The following ATP2C1 variants were observed in gnomAD, a reference collection of about 807,000 sequenced individuals.
ATP2C1 encodes the protein calcium-transporting ATPase type 2C member 1.
A neutral mutation model predicts 120.5 loss-of-function variants in ATP2C1; 31 were observed. The ratio of observed to expected loss-of-function variants is 0.26; its 90% CI spans 0.19 to 0.35. The LOEUF (loss-of-function observed/expected upper bound fraction) is 0.35. Among genes scored for constraint, ATP2C1 ranks in the 10% least tolerant of loss-of-function variants. The pLI is 1.00. For synonymous variants in ATP2C1, 351 were observed against 358.7 expected (o/e 0.98, Z 0.24); for missense variants, 731 against 1,107.5 (o/e 0.66, Z 4.83).
At chr3:130,868,252 G>C (rs1160282286) in intron 1 of ATP2C1, 2 of 143,524 alleles carry the variant, frequency 1.4e-5, no homozygotes, top group Non-Finnish European at 3.0e-5. Flanking sequence ...GAGGTGGGGG[G>C]GTCAGCCCCC....
intron 20 of ATP2C1, among the ~76,000 whole-genome samples, chr3:130,989,425 C>T (rs1364595695): frequency 6.8e-6 from 1 of 147,364 alleles, no homozygotes; most frequent in African/African-American, 2.5e-5. Context: ...ATTAGCTGGG[C>T]GTGGTGGTGC....
chr3:130,892,872 A>G (rs1253881306), upstream of ATP2C1, among the ~76,000 whole-genome samples: 1 of 152,232 alleles, frequency 6.6e-6, no homozygotes, highest in African/African-American at 2.4e-5. Flanking sequence ...ACAAATATAG[A>G]AACACAGGCA....
At chr3:131,000,231 G>A (rs2062820234) in intron 27 of ATP2C1, among the ~76,000 whole-genome samples, 1 of 152,104 alleles carries the variant, frequency 6.6e-6, no homozygotes, top group Non-Finnish European at 1.5e-5. Context: ...TGATATATTT[G>A]ACAGTAATGC....
intron 2 of ATP2C1, among the ~76,000 whole-genome samples, chr3:130,903,698 TC>T (rs749376782): frequency 1.1e-5 from 1 of 92,672 alleles, no homozygotes; most frequent in African/African-American, 4.0e-5. Context: ...ATTTCCCCTT[TC>T]CCCTTTCCTT....
chr3:130,981,584 A>T (rs1560008974), intron 20 of ATP2C1, among the ~76,000 whole-genome samples: 1 of 152,136 alleles, frequency 6.6e-6, no homozygotes, highest in Non-Finnish European at 1.5e-5. Flanking sequence ...TCTGTGAGTA[A>T]TTGCTGGGTC....
At chr3:130,926,678 G>A (rs145409325) in intron 2 of ATP2C1, among the ~76,000 whole-genome samples, 2 of 152,344 alleles carry the variant, frequency 1.3e-5, no homozygotes, top group African/African-American at 2.4e-5. Context: ...TCACATGTAT[G>A]CAGGGATGAG....
chr3:131,006,428 T>A (rs2109000129), downstream of ATP2C1, among the ~76,000 whole-genome samples: 1 of 152,214 alleles, frequency 6.6e-6, no homozygotes, highest in South Asian at 2.1e-4. Context: ...TTTTTTTAAA[T>A]TTTACTCGTA....
At position 130,894,808 on chromosome 3, in the gene ATP2C1, G is replaced by C; in HGVS notation, c.6+33G>C. ...CCCCTGGCCGACCGGTTGCAACGCGGAGTTGAGGGTGTGGTGGTTTGCTTT... is the reference window on the plus strand; with the variant it reads ...CCCCTGGCCGACCGGTTGCAACGCGCAGTTGAGGGTGTGGTGGTTTGCTTT... On this transcript the variant is annotated intron_variant, in intron 2 of 27. Transcript: ENST00000510168. This position sits in a 1 kb window ranked among gnomAD's most constrained non-coding sequence, Gnocchi z 4.5. The C allele has an allele frequency of 6.3e-7, 1 of 1,591,700 alleles. No individual in the cohort carries two copies. The highest frequency in any genetic ancestry group is 8.6e-7 in the Non-Finnish European group (1 of 1,159,562).
intron 1 of ATP2C1, among the ~76,000 whole-genome samples, chr3:130,861,090 G>A (rs1225152042): frequency 3.9e-5 from 6 of 152,284 alleles, no homozygotes; most frequent in Non-Finnish European, 1.5e-5. Flanking sequence ...ACAACATGGT[G>A]AAACCCTGTC....
intron 1 of ATP2C1, among the ~76,000 whole-genome samples, chr3:130,882,199 T>C (rs1455836700): frequency 5.3e-5 from 8 of 151,800 alleles, no homozygotes; most frequent in African/African-American, 1.7e-4. Flanking sequence ...TGTCATATAC[T>C]TTTTTCTTTC....
At chr3:131,004,483 T>C (rs150231079), downstream of ATP2C1, among the ~76,000 whole-genome samples, 3 of 152,384 alleles carry the variant, frequency 2.0e-5, no homozygotes, top group East Asian at 5.8e-4. Flanking sequence ...TTAATGTAGA[T>C]ACAATTGTCC....
Position 130,989,254 on chromosome 3 carries a change from A to AC in ATP2C1, c.1840-3697_1840-3696insC, listed in dbSNP as rs970251969. Among the ~76,000 whole-genome samples the AC allele has an allele frequency of 4.7e-5, 7 of 147,474 alleles. No homozygotes were observed. The South Asian group carries it at 6.4e-4, about 13-fold the overall frequency. ...AAGAGCGAAAATCCATCTCAAAAAAAAAAAAAACAAAAAAACAAACACACA... is the reference window on the plus strand; with the variant it reads ...AAGAGCGAAAATCCATCTCAAAAAAACAAAAAAACAAAAAAACAAACACACA... On this transcript the variant is annotated intron_variant, in intron 20 of 27. Coordinates refer to ENST00000510168, the MANE Select transcript of ATP2C1 (RefSeq NM_001378687.1).
chr3:130,949,817 CAGTG>C (rs1435843564), intron 8 of ATP2C1, among the ~76,000 whole-genome samples: 1 of 152,056 alleles, frequency 6.6e-6, no homozygotes, highest in Non-Finnish European at 1.5e-5. Flanking sequence ...TTTGCATAAA[CAGTG>C]AGGTATGTTA....
chr3:130,851,608 A>G (rs2067679838), intron 1 of ATP2C1, among the ~76,000 whole-genome samples: 1 of 152,222 alleles, frequency 6.6e-6, no homozygotes. Flanking sequence ...GATTTATATC[A>G]TTCCATTTCT....
chr3:130,974,708 A>C (rs1331969450), intron 17 of ATP2C1, among the ~76,000 whole-genome samples: 1 of 152,174 alleles, frequency 6.6e-6, no homozygotes, highest in Non-Finnish European at 1.5e-5. Context: ...GTCACAATAG[A>C]CAGTGTATAA....
At chr3:130,958,349 A>T (rs1486358937) in intron 11 of ATP2C1, among the ~76,000 whole-genome samples, 2 of 152,146 alleles carry the variant, frequency 1.3e-5, no homozygotes, top group Non-Finnish European at 2.9e-5. Flanking sequence ...TAAATAAATG[A>T]GTGTGGCTAT....
Position 130,937,466 on chromosome 3 carries a change from A to G in ATP2C1, c.360+3A>G, listed in dbSNP as rs201974065. Reference sequence around the variant, plus strand: ...TTGTTACAGTTGCCTTTGTTCAGGTAAGTACTCTATTTTGCCAACATGAAA... The same window carrying G: ...TTGTTACAGTTGCCTTTGTTCAGGTGAGTACTCTATTTTGCCAACATGAAA... On this transcript the variant is annotated splice_donor_region_variant and intron_variant, in intron 6 of 27. Transcript: ENST00000510168. 6.8e-6 allele frequency: 11 copies of G among 1,612,944 alleles called. No homozygotes were observed. Among genetic ancestry groups the G allele is most frequent in the Non-Finnish European group, 7.6e-6 (9 of 1,179,046 alleles).
chr3:130,926,254 G>T (rs2059200185), intron 2 of ATP2C1, among the ~76,000 whole-genome samples: 1 of 152,160 alleles, frequency 6.6e-6, no homozygotes, highest in Non-Finnish European at 1.5e-5. Context: ...ATACAAGCTA[G>T]TCCTGCCTCC....
chr3:130,864,821 A>C (rs750947601), intron 1 of ATP2C1, among the ~76,000 whole-genome samples: 2 of 152,202 alleles, frequency 1.3e-5, no homozygotes, highest in Non-Finnish European at 2.9e-5. Context: ...GTATGGAAAC[A>C]CCTGGATGCC....
Sources: gnomAD v4.1 joint callset for allele counts (sites outside exome capture counted in the v4.1 genomes callset) on GRCh38, gnomAD v4.1.1 for gene constraint, Gnocchi (gnomAD v3.1) non-coding constraint, MANE v1.5 for transcripts, NCBI Gene and HGNC (gene_info 2026-07-23, HGNC 2026-07-21) for gene names.